ZAP70: variants seen among roughly 807,000 people sequenced by gnomAD.
ZAP70 encodes the protein tyrosine-protein kinase ZAP-70.
Under a neutral mutation model 65.8 loss-of-function variants are expected in ZAP70, and 27 were observed. The observed-to-expected ratio is 0.41, with a 90% CI of 0.30 to 0.57. The LOEUF (loss-of-function observed/expected upper bound fraction) is 0.57, where lower values mean the gene tolerates loss of function less well. ZAP70 is among the 20% of genes least tolerant of loss of function. The pLI is 0.28. For missense variants in ZAP70, 696 were observed against 870.5 expected, an observed-to-expected ratio of 0.80 and a Z score of 2.52; for synonymous variants, 363 against 360.8, an observed-to-expected ratio of 1.01 and a Z score of -0.07.
chr2:97,745,791 G>A, the ZAP70 span, among the ~76,000 whole-genome samples: 20 of 152,154 alleles, frequency 1.3e-4, no homozygotes, highest in Non-Finnish European at 2.8e-4. Flanking sequence ...CCATCGACCC[G>A]GCAGTTCACT....
intron 2 of ZAP70, among the ~76,000 whole-genome samples, chr2:97,723,150 C>G (rs1226106040): frequency 6.6e-6 from 1 of 152,214 alleles, no homozygotes; most frequent in African/African-American, 2.4e-5. Flanking sequence ...CTCAATCACA[C>G]GTTTTGTTTA....
chr2:97,739,998 C>T, downstream of ZAP70: 1 of 158,090 alleles, frequency 6.3e-6, no homozygotes, highest in Non-Finnish European at 1.4e-5. Context: ...GGGTCCCACT[C>T]TCCACCCTAG....
At chr2:97,721,710 C>T (rs183394597) in intron 2 of ZAP70, among the ~76,000 whole-genome samples, 8 of 148,702 alleles carry the variant, frequency 5.4e-5, no homozygotes, top group Non-Finnish European at 1.2e-4. Context: ...GGATTAGAGG[C>T]GTGAGCCACC....
chr2:97,735,480 A>G, intron 10 of ZAP70, 24 bp downstream of exon 10: 2 of 1,595,056 alleles, frequency 1.3e-6, no homozygotes, highest in Non-Finnish European at 1.7e-6. Flanking sequence ...GGGCCCGGCC[A>G]TCGGGTGGGT....
the ZAP70 span, among the ~76,000 whole-genome samples, chr2:97,754,406 A>G: frequency 6.6e-6 from 1 of 151,852 alleles, no homozygotes; most frequent in African/African-American, 2.4e-5. Flanking sequence ...TTTTTTTCTT[A>G]TCTTTTTTTT....
At chr2:97,723,380 C>G (rs1324309177) in intron 2 of ZAP70, among the ~76,000 whole-genome samples, 1 of 152,274 alleles carries the variant, frequency 6.6e-6, no homozygotes, top group African/African-American at 2.4e-5. Context: ...GGTGCGGCCT[C>G]AGGGCCTCTG....
chr2:97,715,751 T>C lies in ZAP70; in HGVS notation c.-22+1757T>C, dbSNP rs185461532. 2.0e-5 allele frequency among the ~76,000 whole-genome samples: 3 copies of C among 152,332 alleles called. No homozygotes were observed. Among genetic ancestry groups the C allele is most frequent in the Non-Finnish European group, 4.4e-5 (3 of 68,028 alleles). ...ATTGACCTCTCCGAGCCTCAGTTTC[T>C]TTAGCTGAGGAGTGGGATAACAGTT... On this transcript the variant is annotated intron_variant, in intron 2 of 13. Coordinates refer to ENST00000264972, the MANE Select transcript of ZAP70 (RefSeq NM_001079.4). The surrounding 1 kb of genome is among the most constrained non-coding windows in gnomAD (Gnocchi z 4.1).
chr2:97,739,086 C>T (rs749688352), intron 13 of ZAP70, among the ~76,000 whole-genome samples: 8 of 152,190 alleles, frequency 5.3e-5, no homozygotes, highest in Non-Finnish European at 1.0e-4. Context: ...GCCACTCTGA[C>T]ACCAAGTCCA....
the ZAP70 span, among the ~76,000 whole-genome samples, chr2:97,746,868 A>G: frequency 6.4e-4 from 98 of 152,364 alleles, no homozygotes; most frequent in African/African-American, 2.4e-3. Context: ...AGACCTTTGT[A>G]TAAATCAACA....
intron 4 of ZAP70, among the ~76,000 whole-genome samples, chr2:97,730,300 T>C (rs561578942): frequency 1.3e-5 from 2 of 152,326 alleles, no homozygotes; most frequent in Admixed American, 1.3e-4. Context: ...GCTTGGTAAT[T>C]TGGGCTGAGT....
intron 8 of ZAP70, chr2:97,733,926 G>C: frequency 2.2e-6 from 1 of 453,850 alleles, no homozygotes; most frequent in South Asian, 2.3e-5. Flanking sequence ...GCCTTATGAA[G>C]TGGCTATGGT....
At position 97,736,403 on chromosome 2, in the gene ZAP70, C is replaced by A. The variant is rs1677882463; in HGVS notation, c.1289+947C>A. Among the ~76,000 whole-genome samples the A allele has an allele frequency of 6.6e-6, 1 of 152,206 alleles. No homozygotes were observed. The highest frequency in any genetic ancestry group is 6.5e-5 in the Admixed American group (1 of 15,282). ...CTGGTGCACACACCTTCCCAGTGTG[C>A]CCCTGGCTCCCACATTCAGTCATTT... On this transcript the variant is annotated intron_variant, in intron 10 of 13. Transcript: ENST00000264972. The surrounding 1 kb of genome is among the most constrained non-coding windows in gnomAD (Gnocchi z 4.0).
At chr2:97,749,600 G>A in the ZAP70 span, among the ~76,000 whole-genome samples, 2 of 152,186 alleles carry the variant, frequency 1.3e-5, no homozygotes, top group African/African-American at 4.8e-5. Flanking sequence ...GATCCTGAAT[G>A]CATGAAAATT....
At chr2:97,741,399 C>G (rs1231303743), downstream of ZAP70, among the ~76,000 whole-genome samples, 1 of 152,180 alleles carries the variant, frequency 6.6e-6, no homozygotes, top group African/African-American at 2.4e-5. Flanking sequence ...TCTCCCCGTC[C>G]CCACCGGTGA....
At chr2:97,734,853 G>A in intron 9 of ZAP70, 141 bp downstream of exon 9, 5 of 1,178,488 alleles carry the variant, frequency 4.2e-6, no homozygotes, top group Non-Finnish European at 4.8e-6. Flanking sequence ...GACGTTGCAC[G>A]CTGGAGGATT....
chr2:97,745,192 C>T, the ZAP70 span, among the ~76,000 whole-genome samples: 1 of 152,202 alleles, frequency 6.6e-6, no homozygotes, highest in African/African-American at 2.4e-5. Context: ...GTGTCCATCA[C>T]CATGACCAGC....
At chr2:97,741,928 C>T (rs1678140146), downstream of ZAP70, among the ~76,000 whole-genome samples, 1 of 152,246 alleles carries the variant, frequency 6.6e-6, no homozygotes, top group African/African-American at 2.4e-5. Context: ...GCTCCTGAGC[C>T]AGCTGAGAGG....
rs199902456 is a variant in ZAP70 at position 97,732,406 on chromosome 2, T to A, written c.564-477T>A. 4.6e-5 allele frequency among the ~76,000 whole-genome samples: 7 copies of A among 152,174 alleles called. No homozygotes were observed. In the East Asian group the frequency reaches 1.4e-3, roughly 29 times the overall value. The stretch of plus-strand genomic sequence containing the variant: ...AGGTCTACCTGTTGAAGGCTCTGGG[T>A]CTGTTGTAGAAGGCCAAGTGCCCCC... On this transcript the variant is annotated intron_variant, in intron 4 of 13. Coordinates refer to ENST00000264972, the MANE Select transcript of ZAP70 (RefSeq NM_001079.4).
At chr2:97,725,911 G>A (rs1211266294) in intron 4 of ZAP70, among the ~76,000 whole-genome samples, 2 of 152,156 alleles carry the variant, frequency 1.3e-5, no homozygotes, top group African/African-American at 4.8e-5. Flanking sequence ...ACATTGTGGA[G>A]GCCATGTGCC....
Sources: allele counts gnomAD v4.1 joint callset (sites outside exome capture counted in the v4.1 genomes callset), GRCh38; gene constraint gnomAD v4.1.1; non-coding constraint Gnocchi (gnomAD v3.1); transcripts MANE v1.5; gene names NCBI Gene and HGNC (gene_info 2026-07-23, HGNC 2026-07-21).